ARL17B: variants seen among roughly 807,000 people sequenced by gnomAD.
The protein encoded by ARL17B is ADP-ribosylation factor-like protein 17.
chr17:46,340,722 T>C (rs1293415818), intron 3 of ARL17B, among the ~76,000 whole-genome samples: 3 of 78,284 alleles, frequency 3.8e-5, no homozygotes, highest in Non-Finnish European at 1.0e-4. Context: ...TTTTTTTTTT[T>C]TTCTAAAAAC....
intron 4 of ARL17B, among the ~76,000 whole-genome samples, chr17:46,290,489 C>T (rs376033763): frequency 3.3e-5 from 5 of 152,340 alleles, no homozygotes; most frequent in Non-Finnish European, 5.9e-5. Context: ...GATGGAGTCT[C>T]GCTCTGTCGT....
At chr17:46,326,977 AAAG>A (rs1481340365) in intron 3 of ARL17B, among the ~76,000 whole-genome samples, 2 of 77,768 alleles carry the variant, frequency 2.6e-5, no homozygotes, top group African/African-American at 7.4e-5. Flanking sequence ...CAGAAAGATG[AAAG>A]AATAGTACAG....
chr17:46,333,258 G>T (rs2052120175), downstream of ARL17B, among the ~76,000 whole-genome samples: 1 of 61,938 alleles, frequency 1.6e-5, no homozygotes, highest in Non-Finnish European at 6.9e-5. Flanking sequence ...TAGCCCTCCT[G>T]AGCCTATACC....
intron 4 of ARL17B, among the ~76,000 whole-genome samples, chr17:46,279,190 T>C (rs1300864719): frequency 2.0e-5 from 3 of 150,618 alleles, no homozygotes; most frequent in East Asian, 3.9e-4. Context: ...TTTTCTTTTT[T>C]TTTTTTTTTT....
At chr17:46,278,914 C>T (rs1351667019) in intron 4 of ARL17B, among the ~76,000 whole-genome samples, 1 of 152,020 alleles carries the variant, frequency 6.6e-6, no homozygotes, top group Non-Finnish European at 1.5e-5. Context: ...TCTCCTGCCT[C>T]AGCCTCCTGA....
chr17:46,332,192 G>A (rs1203372851), downstream of ARL17B, among the ~76,000 whole-genome samples: 9 of 25,798 alleles, frequency 3.5e-4, no homozygotes, highest in African/African-American at 8.2e-4. Context: ...GGTAGCTCAC[G>A]CCTGTAATCT....
chr17:46,315,826 C>A (rs992976341), intron 3 of ARL17B, among the ~76,000 whole-genome samples: 1 of 35,354 alleles, frequency 2.8e-5, no homozygotes, highest in African/African-American at 7.8e-5. Flanking sequence ...CTCTCACCCC[C>A]TCCTTTATAC....
intron 3 of ARL17B, among the ~76,000 whole-genome samples, chr17:46,321,381 TGTG>T (rs2051364269): frequency 1.2e-4 from 1 of 8,344 alleles, no homozygotes; most frequent in Non-Finnish European, 2.2e-4. Context: ...AAAAAAAAAA[TGTG>T]GTCTCTGCCC....
rs529637948 is a variant in ARL17B at position 46,323,695 on chromosome 17, C to A, written c.260-24030G>T. On this transcript the variant is annotated intron_variant, in intron 3 of 4. Transcript: ENST00000434041. ...TACAGATAAGATCCACCTTGCCTGG[C>A]CTCACTCAGTAGAATTTTTTTTGAG... 2.5e-3 allele frequency among the ~76,000 whole-genome samples: 257 copies of A among 104,546 alleles called. 57 individuals carry two copies. Among genetic ancestry groups the A allele is most frequent in the African/African-American group, 7.1e-3 (233 of 32,626 alleles). 68.6% of individuals were successfully genotyped at this position (104,546 alleles called of 152,430 possible).
At chr17:46,332,896 T>C (rs1276734804), downstream of ARL17B, among the ~76,000 whole-genome samples, 2 of 151,378 alleles carry the variant, frequency 1.3e-5, no homozygotes, top group African/African-American at 4.9e-5. Context: ...CACTAGACTA[T>C]TTTAAGAAGT....
At chr17:46,284,502 A>G (rs1212798893) in intron 4 of ARL17B, among the ~76,000 whole-genome samples, 2 of 152,276 alleles carry the variant, frequency 1.3e-5, no homozygotes, top group Non-Finnish European at 2.9e-5. Flanking sequence ...TTCTTAGTAC[A>G]GAACAAAATG....
chr17:46,286,965 C>A (rs1305805079), intron 4 of ARL17B, among the ~76,000 whole-genome samples: 4 of 152,244 alleles, frequency 2.6e-5, no homozygotes, highest in Admixed American at 6.5e-5. Flanking sequence ...CAATATAGAA[C>A]CTAGAAGTAT....
intron 3 of ARL17B, among the ~76,000 whole-genome samples, chr17:46,351,795 AAAAC>A (rs1272678901): frequency 1.3e-5 from 2 of 152,244 alleles, no homozygotes; most frequent in African/African-American, 2.4e-5. Context: ...GAGAATCTTC[AAAAC>A]AAACAGACTC....
chr17:46,290,030 G>T (rs997343578), intron 4 of ARL17B, among the ~76,000 whole-genome samples: 1 of 152,246 alleles, frequency 6.6e-6, no homozygotes, highest in African/African-American at 2.4e-5. Flanking sequence ...GAGGTTGGAG[G>T]CTCCTTTAAG....
At chr17:46,287,120 C>T (rs561630092) in intron 4 of ARL17B, among the ~76,000 whole-genome samples, 1 of 152,376 alleles carries the variant, frequency 6.6e-6, no homozygotes, top group South Asian at 2.1e-4. Context: ...CTACCCCTGG[C>T]AAACTCCAGT....
downstream of ARL17B, chr17:46,331,158 C>T (rs1384416527): frequency 2.0e-5 from 15 of 739,022 alleles, 5 homozygotes; most frequent in Admixed American, 2.3e-4. Flanking sequence ...AATACGAAGA[C>T]GTCTAAACCA....
intron 4 of ARL17B, among the ~76,000 whole-genome samples, chr17:46,290,573 G>C (rs2668650): frequency 1.3e-5 from 2 of 151,938 alleles, no homozygotes; most frequent in South Asian, 4.2e-4. Context: ...CAGCCTCCCA[G>C]GCAGCTGGGA....
intron 3 of ARL17B, among the ~76,000 whole-genome samples, chr17:46,340,125 T>C (rs1460695321): frequency 3.0e-5 from 3 of 101,156 alleles, no homozygotes; most frequent in East Asian, 2.3e-4. Flanking sequence ...GCAGGCCATA[T>C]AGTATTGGAG....
chr17:46,288,841 C>CCA (rs1288683698), intron 4 of ARL17B, among the ~76,000 whole-genome samples: 1 of 151,734 alleles, frequency 6.6e-6, no homozygotes, highest in African/African-American at 2.4e-5. Flanking sequence ...GTACCTAGGA[C>CCA]CACAGGCACG....
Sources: gnomAD v4.1 joint callset for allele counts (sites outside exome capture counted in the v4.1 genomes callset) on GRCh38, gnomAD v4.1.1 for gene constraint, MANE v1.5 for transcripts, NCBI Gene and HGNC (gene_info 2026-07-23, HGNC 2026-07-21) for gene names.